Variants in BNC2 observed in about 807,000 individuals in gnomAD.
BNC2 encodes the protein zinc finger protein basonuclin-2.
BNC2 carries 20 observed loss-of-function variants against 76.3 expected under a neutral mutation model. The observed-to-expected ratio is 0.26, with a 90% CI of 0.18 to 0.38. The LOEUF is 0.38. BNC2 is among the 10% of genes least tolerant of loss of function. The probability of loss-of-function intolerance (pLI) is 1.00; values close to 1 mark genes in which losing one functional copy is unlikely to be tolerated. For synonymous variants in BNC2, 582 were observed against 514.8 expected, an observed-to-expected ratio of 1.13 and a Z score of -1.77; for missense variants, 1,382 against 1,399.8, an observed-to-expected ratio of 0.99 and a Z score of 0.20.
intron 3 of BNC2, among the ~76,000 whole-genome samples, chr9:16,688,240 T>C (rs866937928): frequency 1.8e-4 from 28 of 152,322 alleles, no homozygotes; most frequent in Middle Eastern, 6.8e-3. Context: ...TCTTTCTGAA[T>C]TCATCAAAAT....
intron 4 of BNC2, among the ~76,000 whole-genome samples, chr9:16,563,158 T>C (rs76742578): frequency 0.016 from 2,379 of 152,260 alleles, 49 homozygotes; most frequent in South Asian, 0.1. Context: ...TGGTGGAAAT[T>C]TTCATCAATT....
At chr9:16,827,594 G>A (rs997795352) in intron 1 of BNC2, among the ~76,000 whole-genome samples, 1 of 152,174 alleles carries the variant, frequency 6.6e-6, no homozygotes, top group Non-Finnish European at 1.5e-5. Context: ...GTTGTTCATG[G>A]TGACTTAAGT....
chr9:16,688,779 A>G (rs2134385789), intron 3 of BNC2, among the ~76,000 whole-genome samples: 1 of 152,292 alleles, frequency 6.6e-6, no homozygotes, highest in Middle Eastern at 3.4e-3. Flanking sequence ...CCTACAACTG[A>G]TGTAAATTTC....
intron 1 of BNC2, among the ~76,000 whole-genome samples, chr9:16,791,154 C>T (rs1436362861): frequency 3.3e-5 from 5 of 152,082 alleles, no homozygotes; most frequent in Admixed American, 2.0e-4. Flanking sequence ...CTCCGCCTCC[C>T]GGGTTCACAC....
At chr9:16,787,153 T>C (rs1304169247) in intron 1 of BNC2, among the ~76,000 whole-genome samples, 2 of 152,312 alleles carry the variant, frequency 1.3e-5, no homozygotes, top group Non-Finnish European at 2.9e-5. Flanking sequence ...CTCTCTTCAC[T>C]GATGTGAAAC....
At chr9:16,427,912 A>G (rs947009689) in intron 6 of BNC2, among the ~76,000 whole-genome samples, 1 of 152,220 alleles carries the variant, frequency 6.6e-6, no homozygotes, top group Non-Finnish European at 1.5e-5. Flanking sequence ...CGTCATGAGA[A>G]TATAGTTTTG....
At chr9:16,746,429 T>C (rs1281722627) in intron 1 of BNC2, among the ~76,000 whole-genome samples, 4 of 151,918 alleles carry the variant, frequency 2.6e-5, no homozygotes, top group Non-Finnish European at 5.9e-5. Context: ...CATGGTCCAA[T>C]CTCTGCTAAC....
intron 3 of BNC2, among the ~76,000 whole-genome samples, chr9:16,706,737 T>C (rs1309836776): frequency 6.6e-6 from 1 of 152,064 alleles, no homozygotes; most frequent in Non-Finnish European, 1.5e-5. Flanking sequence ...AGCCAAGCCA[T>C]GCTAATTCAT....
intron 3 of BNC2, among the ~76,000 whole-genome samples, chr9:16,722,270 A>G (rs1476535999): frequency 6.6e-6 from 1 of 152,084 alleles, no homozygotes; most frequent in Non-Finnish European, 1.5e-5. Context: ...TTCTGCCCCA[A>G]CTTCTCAGAG....
intron 1 of BNC2, among the ~76,000 whole-genome samples, chr9:16,747,867 A>G (rs1243118550): frequency 1.3e-5 from 2 of 152,238 alleles, no homozygotes; most frequent in Non-Finnish European, 2.9e-5. Flanking sequence ...GTTTTCTTAA[A>G]TTCAACTATC....
chr9:16,548,176 G>A (rs977559002), intron 5 of BNC2, among the ~76,000 whole-genome samples: 1 of 152,148 alleles, frequency 6.6e-6, no homozygotes, highest in Non-Finnish European at 1.5e-5. Flanking sequence ...GCTGGTGGAT[G>A]AGCCCAGGCA....
chr9:16,643,110 C>A (rs1821533249), intron 3 of BNC2, among the ~76,000 whole-genome samples: 1 of 152,022 alleles, frequency 6.6e-6, no homozygotes, highest in African/African-American at 2.4e-5. Context: ...ACAGACCTGT[C>A]TTTTCTATAT....
chr9:16,820,992 G>C (rs1359587399), intron 1 of BNC2, among the ~76,000 whole-genome samples: 1 of 152,066 alleles, frequency 6.6e-6, no homozygotes, highest in Non-Finnish European at 1.5e-5. Context: ...CAGAACGTTG[G>C]GAGGCCGAGG....
At chr9:16,546,360 G>C (rs1014300882) in intron 5 of BNC2, among the ~76,000 whole-genome samples, 1 of 152,156 alleles carries the variant, frequency 6.6e-6, no homozygotes, top group African/African-American at 2.4e-5. Flanking sequence ...TCAATATCCA[G>C]AGCCCTTTTG....
chr9:16,538,693 TATAA>T (rs1818203434), intron 5 of BNC2, among the ~76,000 whole-genome samples: 1 of 152,214 alleles, frequency 6.6e-6, no homozygotes, highest in Admixed American at 6.5e-5. Context: ...CTGAAACTAA[TATAA>T]ATGTTTTTAA....
At chr9:16,725,155 A>C (rs1235845401) in intron 3 of BNC2, among the ~76,000 whole-genome samples, 1 of 152,004 alleles carries the variant, frequency 6.6e-6, no homozygotes, top group East Asian at 1.9e-4. Flanking sequence ...TGAAAGTAAT[A>C]CTCGTTTAAA....
intron 1 of BNC2, among the ~76,000 whole-genome samples, chr9:16,836,391 T>A (rs1457863919): frequency 6.6e-6 from 1 of 152,092 alleles, no homozygotes; most frequent in Non-Finnish European, 1.5e-5. Context: ...AGAAACATAT[T>A]CTTAGAAACA....
chr9:16,527,831 C>T (rs7867633), intron 5 of BNC2, among the ~76,000 whole-genome samples: 16,390 of 152,172 alleles, frequency 0.11, 2,833 homozygotes, highest in African/African-American at 0.36. Flanking sequence ...TGCAACGCAT[C>T]GCTACAAATT....
intron 3 of BNC2, among the ~76,000 whole-genome samples, chr9:16,681,282 GGA>G (rs1242825287): frequency 6.6e-6 from 1 of 152,194 alleles, no homozygotes; most frequent in Non-Finnish European, 1.5e-5. Context: ...GGTGAAGTCA[GGA>G]GAGAGTCATA....
Sources: gnomAD v4.1 joint callset for allele counts (sites outside exome capture counted in the v4.1 genomes callset) on GRCh38, gnomAD v4.1.1 for gene constraint, MANE v1.5 for transcripts, NCBI Gene and HGNC (gene_info 2026-07-23, HGNC 2026-07-21) for gene names.